ZNF71: variants seen among roughly 807,000 people sequenced by gnomAD.
ZNF71 encodes zinc finger protein 71, also known as endothelial zinc finger protein induced by tumor necrosis factor alpha.
A neutral mutation model predicts 6.7 loss-of-function variants in ZNF71; 3 were observed. That is an observed-to-expected ratio of 0.45 (90% CI 0.20 to 1.16). ZNF71 has a LOEUF of 1.16. Ranked by LOEUF, ZNF71 falls within the 50% of genes most tolerant of loss-of-function variation. The pLI, the probability that ZNF71 is intolerant of heterozygous loss-of-function variation, is 0.25. For missense variants in ZNF71, 688 were observed against 728.6 expected (o/e 0.94, Z 0.64); for synonymous variants, 343 against 311.1 (o/e 1.10, Z -1.08).
At chr19:56,607,385 A>T (rs1208049237) in intron 2 of ZNF71, among the ~76,000 whole-genome samples, 1 of 152,198 alleles carries the variant, frequency 6.6e-6, no homozygotes, top group Non-Finnish European at 1.5e-5. Flanking sequence ...TCAAGGTACC[A>T]TGTAAGAAAT....
chr19:56,620,553 A>G (rs2148020232), intron 3 of ZNF71, among the ~76,000 whole-genome samples: 1 of 151,548 alleles, frequency 6.6e-6, no homozygotes, highest in Middle Eastern at 3.4e-3. Context: ...TTTTTAAGAG[A>G]CAGGGTCTCA....
chr19:56,621,357 G>A lies in ZNF71; in HGVS notation c.250G>A (p.Gly84Arg), dbSNP rs765132480. ...CTCCGTTGTTGGGGAGGCCACGGGG[G>A]GACCCACGAGGAATGGTGCCAGGGG... Reference protein sequence around the residue: ...KLSVVGEATGGPTRNGARGPG... With the variant: ...KLSVVGEATGRPTRNGARGPG... Residue 84 changes from glycine (G) to arginine (R), a missense_variant, in exon 4 of 4, where the codon GGA (glycine) becomes AGA (arginine). Coordinates refer to ENST00000599599, the MANE Select transcript of ZNF71 (RefSeq NM_001370215.1). 2.7e-5 allele frequency: 42 copies of A among 1,575,078 alleles called. 1 individual carries two copies. The highest frequency in any genetic ancestry group is 2.4e-4 in the South Asian group (20 of 85,078).
At chr19:56,608,283 C>T (rs1480946447) in intron 2 of ZNF71, among the ~76,000 whole-genome samples, 6 of 151,974 alleles carry the variant, frequency 3.9e-5, no homozygotes, top group Admixed American at 3.9e-4. Flanking sequence ...CACTTTCCAT[C>T]CCCCTCCCCT....
At position 56,601,508 on chromosome 19, in the gene ZNF71, A is replaced by G; in HGVS notation, c.-51A>G. On this transcript the variant is annotated splice_region_variant and 5_prime_UTR_variant, in exon 2 of 4. Coordinates refer to ENST00000599599, the MANE Select transcript of ZNF71 (RefSeq NM_001370215.1). ...CCTCCCTCTTTCTTCTCCCTACAGC[A>G]CTGTTGGTCACCGCAGGCCTGTCTT... 1.0e-6 allele frequency: 1 copy of G among 984,442 alleles called. No individual in the cohort carries two copies. 61.0% of individuals were successfully genotyped at this position (984,442 alleles called of 1,614,324 possible). A position where few individuals can be genotyped will look rare whatever the true frequency, so the allele number is the denominator to read the frequency against.
chr19:56,598,940 A>G lies in ZNF71; in HGVS notation c.-52-2567A>G, dbSNP rs1451172618. On this transcript the variant is annotated intron_variant, in intron 1 of 3. Coordinates refer to ENST00000599599, the MANE Select transcript of ZNF71 (RefSeq NM_001370215.1). This position sits in a 1 kb window ranked among gnomAD's most constrained non-coding sequence, Gnocchi z 4.2. ...AATCACCTGGGAAACTTGCTTAGAA[A>G]TACCGATTCAGGGGCCCTACCCAGG... Among the ~76,000 whole-genome samples, 1 of 152,214 alleles carries G rather than the reference A, an allele frequency of 6.6e-6. No individual in the cohort carries two copies.
In ZNF71 at chr19:56,622,815, C is replaced by A. The variant is rs537900353; in HGVS notation, c.*58C>A. 15 of 1,539,002 alleles carry A rather than the reference C, an allele frequency of 9.7e-6. No individual in the cohort carries two copies. In the East Asian group the frequency reaches 3.4e-4, roughly 35 times the overall value. ...CCAGGACGGACGCCAGATGGCTGCGCGCTTTGTCAGCAGTGCTGTGAGAAG... is the reference window on the plus strand; with the variant it reads ...CCAGGACGGACGCCAGATGGCTGCGAGCTTTGTCAGCAGTGCTGTGAGAAG... On this transcript the variant is annotated 3_prime_UTR_variant, in exon 4 of 4. Coordinates refer to ENST00000599599, the MANE Select transcript of ZNF71 (RefSeq NM_001370215.1).
chr19:56,605,023 G>A (rs2044699064), intron 2 of ZNF71, among the ~76,000 whole-genome samples: 1 of 152,232 alleles, frequency 6.6e-6, no homozygotes, highest in South Asian at 2.1e-4. Flanking sequence ...CTCAGCTCCA[G>A]CCTAGAGTGG....
At chr19:56,621,087 G>A (rs2044841149) in intron 3 of ZNF71, among the ~76,000 whole-genome samples, 181 bp from the exon 4 acceptor site, 1 of 152,080 alleles carries the variant, frequency 6.6e-6, no homozygotes, top group South Asian at 2.1e-4. Context: ...AACCACATTG[G>A]CCTCAGTTCC....
rs925553435 is a variant in ZNF71 at position 56,623,142 on chromosome 19, A to T, written c.*385A>T. 8.8e-6 allele frequency: 2 copies of T among 228,040 alleles called. No individual in the cohort carries two copies. Among genetic ancestry groups the T allele is most frequent in the Admixed American group, 1.0e-4 (2 of 19,510 alleles). 14.1% of individuals were successfully genotyped at this position (228,040 alleles called of 1,614,324 possible). ...AGCTGGTGGAGGGGAGGGAGGAGAC[A>T]TCTCCCTCTTTGTCAGATACATCCT... On this transcript the variant is annotated 3_prime_UTR_variant, in exon 4 of 4. Coordinates refer to ENST00000599599, the MANE Select transcript of ZNF71 (RefSeq NM_001370215.1).
At chr19:56,601,988 T>A (rs2044674500) in intron 2 of ZNF71, among the ~76,000 whole-genome samples, 1 of 152,196 alleles carries the variant, frequency 6.6e-6, no homozygotes, top group African/African-American at 2.4e-5. Context: ...CTTATGGGAA[T>A]GAGGCCCACA....
At chr19:56,615,636 A>G (rs985637431) in intron 3 of ZNF71, among the ~76,000 whole-genome samples, 7 of 151,874 alleles carry the variant, frequency 4.6e-5, no homozygotes, top group Admixed American at 1.3e-4. Context: ...TAGAAGTCCA[A>G]TGCGCTATCC....
intron 3 of ZNF71, among the ~76,000 whole-genome samples, chr19:56,620,638 C>G (rs2044836573): frequency 6.6e-6 from 1 of 151,902 alleles, no homozygotes; most frequent in Non-Finnish European, 1.5e-5. Flanking sequence ...CTCAAGTGAT[C>G]CTCCCACCTC....
Position 56,621,768 on chromosome 19 carries a change from G to T in ZNF71, c.661G>T (p.Asp221Tyr). 2 of 1,614,036 alleles carry T rather than the reference G, an allele frequency of 1.2e-6. No individual in the cohort carries two copies. Among genetic ancestry groups the T allele is most frequent in the Non-Finnish European group, 8.5e-7 (1 of 1,180,030 alleles). Residue 221 changes from aspartate (D) to tyrosine (Y), a missense_variant, in exon 4 of 4, where the codon GAC (aspartate) becomes TAC (tyrosine). By Grantham distance (160) the Asp-to-Tyr change is radical. Coordinates refer to ENST00000599599, the MANE Select transcript of ZNF71 (RefSeq NM_001370215.1). ...CACGGGAGAAAAGCCGTTTGAGTGT[G>T]ACACCTGTGGGAAGCACTTCATCGA... ...IHTGEKPFEC[D>Y]TCGKHFIERS... is the part of the protein sequence containing the mutation.
intron 3 of ZNF71, among the ~76,000 whole-genome samples, chr19:56,615,199 A>G (rs762703394): frequency 6.6e-6 from 1 of 152,198 alleles, no homozygotes; most frequent in Non-Finnish European, 1.5e-5. Context: ...TGCTGTGAAC[A>G]TTTGTGAACA....
At chr19:56,617,772 C>T (rs1488632408) in intron 3 of ZNF71, among the ~76,000 whole-genome samples, 2 of 152,156 alleles carry the variant, frequency 1.3e-5, no homozygotes, top group Non-Finnish European at 2.9e-5. Flanking sequence ...TGCAGATGAT[C>T]TCTACTGCAG....
At chr19:56,606,102 C>G (rs555055896) in intron 2 of ZNF71, among the ~76,000 whole-genome samples, 1 of 152,154 alleles carries the variant, frequency 6.6e-6, no homozygotes, top group Admixed American at 6.5e-5. Context: ...TAGAACAATA[C>G]CTGGCATGTA....
At position 56,603,090 on chromosome 19, in the gene ZNF71, C is replaced by T. The variant is rs144272429; in HGVS notation, c.33+1499C>T. 2.1e-3 allele frequency among the ~76,000 whole-genome samples: 320 copies of T among 152,296 alleles called. No homozygotes were observed. The highest frequency in any genetic ancestry group is 3.1e-3 in the Non-Finnish European group (212 of 68,030). On this transcript the variant is annotated intron_variant, in intron 2 of 3. Transcript: ENST00000599599. This position sits in a 1 kb window ranked among gnomAD's most constrained non-coding sequence, Gnocchi z 4.6. Reference sequence around the variant, plus strand: ...GGTACCTTTGTTGAGGTACACATCACGTATCACAAAGTGTACAATTCACTG... The same window carrying T: ...GGTACCTTTGTTGAGGTACACATCATGTATCACAAAGTGTACAATTCACTG...
At chr19:56,604,356 G>A (rs2044693696) in intron 2 of ZNF71, among the ~76,000 whole-genome samples, 1 of 152,050 alleles carries the variant, frequency 6.6e-6, no homozygotes, top group Admixed American at 6.5e-5. Flanking sequence ...ATTATTAGCT[G>A]GGCTGGCTGA....
chr19:56,620,259 G>A (rs1190711732), intron 3 of ZNF71, among the ~76,000 whole-genome samples: 3 of 152,176 alleles, frequency 2.0e-5, no homozygotes, highest in Non-Finnish European at 4.4e-5. Context: ...AGAGGATCTT[G>A]CAGCCAGCAA....
Sources: gnomAD v4.1 joint callset for allele counts (sites outside exome capture counted in the v4.1 genomes callset) on GRCh38, gnomAD v4.1.1 for gene constraint, Gnocchi (gnomAD v3.1) non-coding constraint, MANE v1.5 for transcripts, NCBI Gene and HGNC (gene_info 2026-07-23, HGNC 2026-07-21) for gene names.